FSCN1: variants seen among roughly 807,000 people sequenced by gnomAD.
FSCN1 encodes fascin actin-bundling protein 1.
In FSCN1, 10 loss-of-function variants were observed where a neutral mutation model predicts 39.7. That is an observed-to-expected ratio of 0.25 (90% confidence interval 0.16 to 0.43). The LOEUF (loss-of-function observed/expected upper bound fraction) is 0.43, where lower values mean the gene tolerates loss of function less well. Among genes scored for constraint, FSCN1 ranks in the 20% least tolerant of loss-of-function variants. The probability of loss-of-function intolerance (pLI) is 1.00; values close to 1 mark genes in which losing one functional copy is unlikely to be tolerated. For missense variants in FSCN1, 525 were observed against 723.8 expected, an observed-to-expected ratio of 0.73 and a Z score of 3.15; for synonymous variants, 322 against 320.0, an observed-to-expected ratio of 1.01 and a Z score of -0.07.
chr7:5,604,473 G>C (rs1358965979), intron 4 of FSCN1, among the ~76,000 whole-genome samples: 1 of 151,098 alleles, frequency 6.6e-6, no homozygotes, highest in South Asian at 2.1e-4. Flanking sequence ...TCAGAACATG[G>C]TTTTTTTGTT....
intron 1 of FSCN1, among the ~76,000 whole-genome samples, chr7:5,601,216 T>TTG (rs1785824383): frequency 1.4e-5 from 2 of 147,578 alleles, no homozygotes; most frequent in African/African-American, 5.0e-5. Context: ...TTTTTTTTTT[T>TTG]TTTTGAGATG....
Position 5,592,928 on chromosome 7 carries a change from A to T in FSCN1, c.-9A>T. On this transcript the variant is annotated 5_prime_UTR_variant, in exon 1 of 5. Transcript: ENST00000382361. This position sits in a 1 kb window ranked among gnomAD's most constrained non-coding sequence, Gnocchi z 5.3. The stretch of plus-strand genomic sequence containing the variant: ...GGGGCCGCGCAGCGGCCTCTCGTCT[A>T]CTGCCACCATGACCGCCAACGGCAC... The T allele has an allele frequency of 6.7e-7, 1 of 1,489,812 alleles. No individual in the cohort carries two copies. Among genetic ancestry groups the T allele is most frequent in the Non-Finnish European group, 9.0e-7 (1 of 1,116,006 alleles). 92.3% of individuals were successfully genotyped at this position (1,489,812 alleles called of 1,614,324 possible). A position where few individuals can be genotyped will look rare whatever the true frequency, so the allele number is the denominator to read the frequency against.
chr7:5,598,697 CCT>C (rs1373994580), intron 1 of FSCN1, among the ~76,000 whole-genome samples: 2 of 152,174 alleles, frequency 1.3e-5, no homozygotes, highest in African/African-American at 2.4e-5. Flanking sequence ...CCCCTGATGC[CCT>C]CTGTTTTTTC....
chr7:5,603,603 C>G lies in FSCN1; in HGVS notation c.1097C>G (p.Ser366Trp). 2 of 1,614,106 alleles carry G rather than the reference C, an allele frequency of 1.2e-6. No individual in the cohort carries two copies. The highest frequency in any genetic ancestry group is 1.7e-6 in the Non-Finnish European group (2 of 1,180,018). The change falls in exon 3 of 5, where the codon TCG becomes TGG. Residue 366 changes from serine to tryptophan, a missense_variant. This residue lies in a region of FSCN1 where 275 missense variants were observed against 351.9 expected (regional missense o/e 0.78). Transcript: ENST00000382361. This position sits in a 1 kb window ranked among gnomAD's most constrained non-coding sequence, Gnocchi z 8.5. ...TSKKNGQLAA[S>W]VETAGDSELF... ...AAGAAGAATGGGCAGCTGGCCGCCT[C>G]GGTGGAGACAGCAGGTAACACTAAA...
chr7:5,603,438 A>T lies in FSCN1; in HGVS notation c.989+25A>T, dbSNP rs573612458. 233 of 1,613,494 alleles carry T rather than the reference A, an allele frequency of 1.4e-4. 1 individual carries two copies. In the South Asian group the frequency reaches 2.5e-3, roughly 17 times the overall value. ...AGTGAGTGCCTCGCTCCCACCTGTC[A>T]CCGCCCCCACCACCTTGCCTGGGCT... On this transcript the variant is annotated intron_variant, in intron 2 of 4. Coordinates refer to ENST00000382361, the MANE Select transcript of FSCN1 (RefSeq NM_003088.4). This position sits in a 1 kb window ranked among gnomAD's most constrained non-coding sequence, Gnocchi z 8.5.
chr7:5,603,028 G>T lies in FSCN1; in HGVS notation c.833-229G>T, dbSNP rs1251201004. 2 of 577,342 alleles carry T rather than the reference G, an allele frequency of 3.5e-6. No individual in the cohort carries two copies. Among genetic ancestry groups the T allele is most frequent in the East Asian group, 5.8e-5 (2 of 34,354 alleles). The allele number at this position is 577,342 out of a possible 1,614,324, so 35.8% of individuals were successfully genotyped here. A position where few individuals can be genotyped will look rare whatever the true frequency, so the allele number is the denominator to read the frequency against. ...CCTGGCCCCTATTATTTCTCTAACTGGGGAAAGTCATGTGGGAACAGATGT... is the reference window on the plus strand; with the variant it reads ...CCTGGCCCCTATTATTTCTCTAACTTGGGAAAGTCATGTGGGAACAGATGT... On this transcript the variant is annotated intron_variant, in intron 1 of 4. Coordinates refer to ENST00000382361, the MANE Select transcript of FSCN1 (RefSeq NM_003088.4). This position sits in a 1 kb window ranked among gnomAD's most constrained non-coding sequence, Gnocchi z 8.5.
At chr7:5,596,781 C>T (rs112603931) in intron 1 of FSCN1, among the ~76,000 whole-genome samples, 7,330 of 152,256 alleles carry the variant, frequency 0.048, 286 homozygotes, top group African/African-American at 0.11. Context: ...GTTCTCCCCA[C>T]GAGGCGCAGG....
At chr7:5,594,484 C>G (rs1158509185) in intron 1 of FSCN1, 1 of 152,418 alleles carries the variant, frequency 6.6e-6, no homozygotes, top group Non-Finnish European at 1.5e-5. Flanking sequence ...TCCCTCGCCC[C>G]CTTTGTCCTG....
rs770917452 is a variant in FSCN1, at chr7:5,599,362, C to G, written c.833-3895C>G. Among the ~76,000 whole-genome samples the G allele has an allele frequency of 2.6e-5, 4 of 152,210 alleles. No individual in the cohort carries two copies. The highest frequency in any genetic ancestry group is 4.4e-5 in the Non-Finnish European group (3 of 68,034). On this transcript the variant is annotated intron_variant, in intron 1 of 4. Transcript: ENST00000382361. This position sits in a 1 kb window ranked among gnomAD's most constrained non-coding sequence, Gnocchi z 5.6. ...GGCGTGGCAAGAGGGCCACCCACCT[C>G]CGGTCCAGAGAGCCAGCCAGACCCT...
chr7:5,592,963 G>C lies in FSCN1; in HGVS notation c.27G>C (p.Ala9=), dbSNP rs767179866. 4.5e-6 allele frequency: 7 copies of C among 1,572,454 alleles called. No individual in the cohort carries two copies. Among genetic ancestry groups the C allele is most frequent in the Non-Finnish European group, 6.0e-6 (7 of 1,158,670 alleles). Residue 9 remains alanine (A), a synonymous_variant, in exon 1 of 5, where the codon GCG becomes GCC. Transcript: ENST00000382361. This position sits in a 1 kb window ranked among gnomAD's most constrained non-coding sequence, Gnocchi z 5.3. MTANGTAE[A]VQIQFGLINC... ...TGACCGCCAACGGCACAGCCGAGGC[G>C]GTGCAGATCCAGTTCGGCCTCATCA...
At position 5,603,283 on chromosome 7, in the gene FSCN1, GAGGAGACCGACC is replaced by G. The variant is rs775620081; in HGVS notation, c.868_879del (p.Asp290_Thr293del). ...TATGGACCTGTCTGCCAATCAGGAC[GAGGAGACCGACC>G]AGGAGACCTTCCAGCTGGAGATCGA... On this transcript the variant is annotated inframe_deletion, in exon 2 of 5. Coordinates refer to ENST00000382361, the MANE Select transcript of FSCN1 (RefSeq NM_003088.4). The surrounding 1 kb of genome is among the most constrained non-coding windows in gnomAD (Gnocchi z 8.5). 2 of 1,612,568 alleles carry G rather than the reference GAGGAGACCGACC, an allele frequency of 1.2e-6. No homozygotes were observed. Among genetic ancestry groups the G allele is most frequent in the Non-Finnish European group, 8.5e-7 (1 of 1,179,996 alleles).
rs1386066833 is a variant in FSCN1, at chr7:5,603,473, G to T, written c.990-23G>T. ...CCACCTTGCCTGGGCTACCCCGCCT[G>T]ACCCTGTCCCGCCATCCCCCAGGAA... On this transcript the variant is annotated intron_variant, in intron 2 of 4. Transcript: ENST00000382361. This position sits in a 1 kb window ranked among gnomAD's most constrained non-coding sequence, Gnocchi z 8.5. The T allele has an allele frequency of 6.2e-7, 1 of 1,614,046 alleles. No individual in the cohort carries two copies. Among genetic ancestry groups the T allele is most frequent in the Middle Eastern group, 1.6e-4 (1 of 6,062 alleles).
In FSCN1 at chr7:5,597,747, TAAA is replaced by T. The variant is rs566357479; in HGVS notation, c.832+3991_832+3993del. On this transcript the variant is annotated intron_variant, in intron 1 of 4. Coordinates refer to ENST00000382361, the MANE Select transcript of FSCN1 (RefSeq NM_003088.4). ...ATTAAAATAATTAAAAGAAAAAAGT[TAAA>T]AAAAAAAAAAAGAGAGGATGGCTCA... 1.3e-4 allele frequency among the ~76,000 whole-genome samples: 17 copies of T among 133,968 alleles called. No individual in the cohort carries two copies. The East Asian group carries it at 3.3e-3, about 26-fold the overall frequency. The allele number at this position is 133,968 out of a possible 152,430, so 87.9% of individuals were successfully genotyped here.
chr7:5,600,499 G>C (rs899081917), intron 1 of FSCN1, among the ~76,000 whole-genome samples: 1 of 152,076 alleles, frequency 6.6e-6, no homozygotes, highest in Non-Finnish European at 1.5e-5. Flanking sequence ...GAGATCCCTG[G>C]GGTCCTATTC....
At chr7:5,594,304 G>T (rs1160852088) in intron 1 of FSCN1, among the ~76,000 whole-genome samples, 1 of 151,644 alleles carries the variant, frequency 6.6e-6, no homozygotes, top group Non-Finnish European at 1.5e-5. Context: ...CCACCTCCCC[G>T]TCTGCCCGGC....
At position 5,599,550 on chromosome 7, in the gene FSCN1, C is replaced by A. The variant is rs941731242; in HGVS notation, c.833-3707C>A. ...GGGGAGGCCGGGCGTGGTGGCTTAC[C>A]CCTGTAATCCCAGCACTTTGGGAGG... On this transcript the variant is annotated intron_variant, in intron 1 of 4. Transcript: ENST00000382361. The surrounding 1 kb of genome is among the most constrained non-coding windows in gnomAD (Gnocchi z 5.6). 6.6e-6 allele frequency among the ~76,000 whole-genome samples: 1 copy of A among 152,084 alleles called. No homozygotes were observed. The highest frequency in any genetic ancestry group is 2.4e-5 in the African/African-American group (1 of 41,428).
At chr7:5,602,039 G>T (rs1159720477) in intron 1 of FSCN1, among the ~76,000 whole-genome samples, 1 of 151,270 alleles carries the variant, frequency 6.6e-6, no homozygotes, top group East Asian at 1.9e-4. Flanking sequence ...CCGCCTCCCA[G>T]GTTGAAGTGA....
intron 1 of FSCN1, among the ~76,000 whole-genome samples, chr7:5,600,773 C>A (rs1182997065): frequency 6.6e-6 from 1 of 151,820 alleles, no homozygotes; most frequent in Non-Finnish European, 1.5e-5. Context: ...CCTGCCTCAG[C>A]CTCCCGAGTA....
In FSCN1 at chr7:5,603,101, T is replaced by G; in HGVS notation, c.833-156T>G. Reference sequence around the variant, plus strand: ...GCCCTGCCTGCGTTCCTGGGTGCTCTCTGCTGCTTCTCATGTGTGCCACTG... The same window carrying G: ...GCCCTGCCTGCGTTCCTGGGTGCTCGCTGCTGCTTCTCATGTGTGCCACTG... On this transcript the variant is annotated intron_variant, in intron 1 of 4. Coordinates refer to ENST00000382361, the MANE Select transcript of FSCN1 (RefSeq NM_003088.4). The surrounding 1 kb of genome is among the most constrained non-coding windows in gnomAD (Gnocchi z 8.5). 1 of 766,168 alleles carries G rather than the reference T, an allele frequency of 1.3e-6. No individual in the cohort carries two copies. Among genetic ancestry groups the G allele is most frequent in the Non-Finnish European group, 2.1e-6 (1 of 466,012 alleles). The allele number at this position is 766,168 out of a possible 1,614,324, so 47.5% of individuals were successfully genotyped here. A position where few individuals can be genotyped will look rare whatever the true frequency, so the allele number is the denominator to read the frequency against.
Sources: allele counts gnomAD v4.1 joint callset (sites outside exome capture counted in the v4.1 genomes callset), GRCh38; gene constraint gnomAD v4.1.1; regional missense constraint gnomAD v4.1.1; non-coding constraint Gnocchi (gnomAD v3.1); transcripts MANE v1.5; gene names NCBI Gene and HGNC (gene_info 2026-07-23, HGNC 2026-07-21).